DPP6: variants seen among roughly 807,000 people sequenced by gnomAD.
The protein encoded by DPP6 is A-type potassium channel modulatory protein DPP6.
DPP6 carries 69 observed loss-of-function variants against 122.6 expected under a neutral mutation model. The observed-to-expected ratio is 0.56, with a 90% confidence interval of 0.46 to 0.69. The LOEUF (loss-of-function observed/expected upper bound fraction) is 0.69. DPP6 is among the 30% of genes least tolerant of loss of function. The pLI is 0.00. For synonymous variants in DPP6, 418 were observed against 433.1 expected, an observed-to-expected ratio of 0.97 and a Z score of 0.43; for missense variants, 928 against 1,116.9, an observed-to-expected ratio of 0.83 and a Z score of 2.41.
At chr7:154,431,307 C>A (rs1037140939) in intron 1 of DPP6, among the ~76,000 whole-genome samples, 1 of 152,002 alleles carries the variant, frequency 6.6e-6, no homozygotes, top group African/African-American at 2.4e-5. Context: ...TGCTTCCCTG[C>A]GCCACTCCCC....
intron 1 of DPP6, among the ~76,000 whole-genome samples, chr7:154,270,488 G>A (rs1202928400): frequency 6.6e-6 from 1 of 151,958 alleles, no homozygotes; most frequent in Non-Finnish European, 1.5e-5. Context: ...GAAACCATGG[G>A]CTCCAGCTCA....
chr7:154,289,267 G>T (rs1480005806), intron 1 of DPP6, among the ~76,000 whole-genome samples: 1 of 152,176 alleles, frequency 6.6e-6, no homozygotes, highest in Admixed American at 6.5e-5. Context: ...CCGGACCCTG[G>T]CTGCTCACTC....
At chr7:154,272,553 A>G (rs759764266) in intron 1 of DPP6, among the ~76,000 whole-genome samples, 3 of 152,210 alleles carry the variant, frequency 2.0e-5, no homozygotes, top group Non-Finnish European at 2.9e-5. Flanking sequence ...TTGGAATTCA[A>G]TTTTGAAAAT....
chr7:154,123,742 CG>C (rs1807668967), intron 1 of DPP6, among the ~76,000 whole-genome samples: 1 of 138,502 alleles, frequency 7.2e-6, no homozygotes, highest in Non-Finnish European at 1.6e-5. Context: ...TTGTGCTGCC[CG>C]CTCGTGGGGC....
the DPP6 span, among the ~76,000 whole-genome samples, chr7:153,879,832 G>T: frequency 2.6e-5 from 4 of 152,046 alleles, no homozygotes; most frequent in Non-Finnish European, 5.9e-5. Flanking sequence ...TGTTTTAATA[G>T]GAATTTCCTA....
At chr7:154,165,897 T>C (rs975985655) in intron 1 of DPP6, among the ~76,000 whole-genome samples, 6 of 152,190 alleles carry the variant, frequency 3.9e-5, no homozygotes, top group Non-Finnish European at 8.8e-5. Context: ...AAACATAAAT[T>C]GTGTTTGAAA....
chr7:154,654,418 T>C (rs1374350129), intron 6 of DPP6, among the ~76,000 whole-genome samples: 1 of 137,392 alleles, frequency 7.3e-6, no homozygotes, highest in East Asian at 2.2e-4. Flanking sequence ...TCTTTCTTTC[T>C]TTCTTTCTTT....
In DPP6 at chr7:154,877,405, GCACACA is replaced by G. The variant is rs3837065; in HGVS notation, c.2078+1327_2078+1332del. Among the ~76,000 whole-genome samples, 2,289 of 149,852 alleles carry G rather than the reference GCACACA, an allele frequency of 0.015. 58 individuals carry two copies. The highest frequency in any genetic ancestry group is 0.052 in the African/African-American group (2,121 of 40,896). On this transcript the variant is annotated intron_variant, in intron 20 of 25. Coordinates refer to ENST00000377770, the MANE Select transcript of DPP6 (RefSeq NM_130797.4). The surrounding 1 kb of genome is among the most constrained non-coding windows in gnomAD (Gnocchi z 5.2). ...TGACTACAACAACACATGTGTGCGTGCACACACACACACACACACACACACACCTCT... is the reference window on the plus strand; with the variant it reads ...TGACTACAACAACACATGTGTGCGTGCACACACACACACACACACACCTCT...
chr7:154,827,944 A>G (rs1383718965), intron 16 of DPP6, among the ~76,000 whole-genome samples: 1 of 152,172 alleles, frequency 6.6e-6, no homozygotes, highest in Non-Finnish European at 1.5e-5. Flanking sequence ...TGGGGATGGA[A>G]GTCACACATA....
chr7:153,988,125 C>G (rs1317535516), intron 1 of DPP6, among the ~76,000 whole-genome samples: 1 of 152,214 alleles, frequency 6.6e-6, no homozygotes, highest in African/African-American at 2.4e-5. Context: ...TGAACTTAAT[C>G]TTAGATGGGT....
At chr7:154,333,942 G>A (rs920996118) in intron 1 of DPP6, among the ~76,000 whole-genome samples, 7 of 152,138 alleles carry the variant, frequency 4.6e-5, no homozygotes, top group African/African-American at 1.7e-4. Context: ...ATCATCTGCT[G>A]TAATTAGAAA....
At chr7:154,699,079 C>A (rs1275621357) in intron 7 of DPP6, among the ~76,000 whole-genome samples, 2 of 152,148 alleles carry the variant, frequency 1.3e-5, no homozygotes, top group Non-Finnish European at 2.9e-5. Flanking sequence ...GGGAAGCAGA[C>A]ACTGTCTGAG....
At chr7:154,065,536 G>A (rs1369478866) in intron 1 of DPP6, among the ~76,000 whole-genome samples, 1 of 151,348 alleles carries the variant, frequency 6.6e-6, no homozygotes, top group Non-Finnish European at 1.5e-5. Flanking sequence ...CACTGGCCGG[G>A]TGCACAGGCC....
At chr7:154,770,975 C>T (rs931403522) in intron 9 of DPP6, among the ~76,000 whole-genome samples, 1 of 152,226 alleles carries the variant, frequency 6.6e-6, no homozygotes, top group Non-Finnish European at 1.5e-5. Flanking sequence ...GAGCAGTTTC[C>T]TGCCTGCACC....
chr7:154,164,684 G>C (rs1201222590), intron 1 of DPP6, among the ~76,000 whole-genome samples: 1 of 152,064 alleles, frequency 6.6e-6, no homozygotes, highest in African/African-American at 2.4e-5. Context: ...CTGTGGATTT[G>C]CCTACTCTGG....
chr7:154,854,399 A>G (rs1299588057), intron 17 of DPP6, among the ~76,000 whole-genome samples: 1 of 152,210 alleles, frequency 6.6e-6, no homozygotes, highest in African/African-American at 2.4e-5. Flanking sequence ...GCCAGTGACC[A>G]GAGAAAGGGG....
chr7:154,885,463 C>T, intron 21 of DPP6, 170 bp from the exon 22 acceptor site: 1 of 902,356 alleles, frequency 1.1e-6, no homozygotes, highest in Non-Finnish European at 1.6e-6. Flanking sequence ...AGGGAGTTTG[C>T]TTTTCATCTC....
chr7:154,061,699 G>T (rs1380505533), intron 1 of DPP6, among the ~76,000 whole-genome samples: 15 of 81,146 alleles, frequency 1.8e-4, no homozygotes, highest in Admixed American at 5.9e-4. Flanking sequence ...ACCATCGCAG[G>T]GGGGGAGGCA....
intron 2 of DPP6, among the ~76,000 whole-genome samples, chr7:154,447,814 C>A (rs1238603975): frequency 6.6e-6 from 1 of 152,020 alleles, no homozygotes; most frequent in Non-Finnish European, 1.5e-5. Context: ...GAATAAAGGG[C>A]AAAAAGCACA....
Sources: allele counts gnomAD v4.1 joint callset (sites outside exome capture counted in the v4.1 genomes callset), GRCh38; gene constraint gnomAD v4.1.1; non-coding constraint Gnocchi (gnomAD v3.1); transcripts MANE v1.5; gene names NCBI Gene and HGNC (gene_info 2026-07-23, HGNC 2026-07-21).